MYBBP1A: variants seen among roughly 807,000 people sequenced by gnomAD.
The protein encoded by MYBBP1A is myb-binding protein 1A.
A neutral mutation model predicts 136.3 loss-of-function variants in MYBBP1A; 147 were observed. That is an observed-to-expected ratio of 1.08 (90% CI 0.94 to 1.24). The LOEUF is 1.24. MYBBP1A is among the 50% of genes most tolerant of loss of function. The probability of loss-of-function intolerance (pLI) is 0.00; values close to 1 mark genes in which losing one functional copy is unlikely to be tolerated. For synonymous variants in MYBBP1A, 947 were observed against 735.8 expected, an observed-to-expected ratio of 1.29 and a Z score of -4.65; for missense variants, 2,060 against 1,727.4, an observed-to-expected ratio of 1.19 and a Z score of -3.41.
intron 17 of MYBBP1A, 32 bp downstream of exon 17, chr17:4,544,994 C>A (rs776946361): frequency 2.8e-6 from 4 of 1,425,538 alleles, no homozygotes; most frequent in Admixed American, 2.5e-5. Context: ...GAGCCCTCCC[C>A]GGCCGCCCCC....
Position 4,548,158 on chromosome 17 carries a change from C to T in MYBBP1A, c.1709G>A (p.Arg570His), listed in dbSNP as rs56716962. The T allele has an allele frequency of 0.022, 34,745 of 1,604,928 alleles. 3,061 individuals are homozygous for T. In the East Asian group the frequency reaches 0.34, roughly 16 times the overall value. The change falls in exon 12 of 26, where the codon CGC (arginine) becomes CAC (histidine). Residue 570 changes from arginine to histidine, a missense_variant. Arg to His is a conservative substitution (Grantham distance 29). Coordinates refer to ENST00000254718, the MANE Select transcript of MYBBP1A (RefSeq NM_014520.4). This position sits in a 1 kb window ranked among gnomAD's most constrained non-coding sequence, Gnocchi z 4.2. Reference protein sequence around the residue: ...TTVTPFTAQQRQAWDRMLQTL... With the variant: ...TTVTPFTAQQHQAWDRMLQTL... ...ACGTGCTCACCGGTCCCAGGCCTGG[C>T]GCTGCTGCGCAGTGAAGGGTGTCAC...
At chr17:4,540,051 T>A in intron 25 of MYBBP1A, 84 bp from the exon 26 acceptor site, 1 of 1,472,384 alleles carries the variant, frequency 6.8e-7, no homozygotes, top group Non-Finnish European at 9.2e-7. Flanking sequence ...ACCTGGATTC[T>A]GAGGGTCCTC....
intron 9 of MYBBP1A, 81 bp downstream of exon 9, chr17:4,549,977 A>G: frequency 6.9e-7 from 1 of 1,455,614 alleles, no homozygotes; most frequent in East Asian, 2.3e-5. Context: ...GACGCTGTGG[A>G]GGGCGGGCTT....
At chr17:4,549,507 T>G (rs1597386711) in intron 9 of MYBBP1A, 65 bp from the exon 10 acceptor site, 1 of 1,431,346 alleles carries the variant, frequency 7.0e-7, no homozygotes, top group Non-Finnish European at 9.6e-7. Flanking sequence ...CTGGGCCCAG[T>G]GGCTCACACC....
chr17:4,544,957 G>C, intron 17 of MYBBP1A, 36 bp from the exon 18 acceptor site: 2 of 1,572,450 alleles, frequency 1.3e-6, no homozygotes, highest in Non-Finnish European at 1.7e-6. Context: ...GCCAGGCCTC[G>C]GGCAGGCACA....
chr17:4,539,740 G>C lies in MYBBP1A; in HGVS notation c.3662C>G (p.Pro1221Arg). ...GGTTGGCGTCCCGTTTGCCTGGGCT[G>C]GGACCTTAGCCTTTGTCCTGTTCCT... is the stretch of plus-strand genomic sequence containing the variant. ...KKRNRTKAKVPAQANGTPTTK... is the reference protein window; with the variant it reads ...KKRNRTKAKVRAQANGTPTTK... Residue 1221 changes from proline to arginine, a missense_variant, in exon 26 of 26, where the codon CCA becomes CGA. Coordinates refer to ENST00000254718, the MANE Select transcript of MYBBP1A (RefSeq NM_014520.4). The C allele has an allele frequency of 6.2e-7, 1 of 1,612,854 alleles. No individual in the cohort carries two copies. Among genetic ancestry groups the C allele is most frequent in the Non-Finnish European group, 8.5e-7 (1 of 1,179,462 alleles).
At position 4,554,244 on chromosome 17, in the gene MYBBP1A, C is replaced by G. The variant is rs746416607; in HGVS notation, c.329G>C (p.Ser110Thr). The change falls in exon 3 of 26, where the codon AGC becomes ACC. Residue 110 changes from serine to threonine, a missense_variant. By Grantham distance (58) the Ser-to-Thr change is moderately conservative. Transcript: ENST00000254718. ...LQSFEDLPLCSILQQIQEKYD... is the reference protein window; with the variant it reads ...LQSFEDLPLCTILQQIQEKYD... ...TTTTTCTTGTATCTGCTGCAGGATGCTGCACAAGGGGAGGTCTTCAAAAGA... is the reference window on the plus strand; with the variant it reads ...TTTTTCTTGTATCTGCTGCAGGATGGTGCACAAGGGGAGGTCTTCAAAAGA... 1.9e-6 allele frequency: 3 copies of G among 1,614,090 alleles called. No homozygotes were observed. The South Asian group carries it at 3.3e-5, about 18-fold the overall frequency.
At chr17:4,545,408 C>A in intron 15 of MYBBP1A, 63 bp from the exon 16 acceptor site, 1 of 1,591,904 alleles carries the variant, frequency 6.3e-7, no homozygotes. Context: ...AGGCCCCACT[C>A]AGCCTTGACC....
intron 9 of MYBBP1A, 47 bp downstream of exon 9, chr17:4,550,011 A>G: frequency 6.4e-7 from 1 of 1,563,398 alleles, no homozygotes; most frequent in South Asian, 1.2e-5. Flanking sequence ...CTGCAGGCCT[A>G]GGAAGTTAAC....
chr17:4,550,817 C>T (rs1907444102), intron 8 of MYBBP1A, among the ~76,000 whole-genome samples: 1 of 152,282 alleles, frequency 6.6e-6, no homozygotes, highest in Non-Finnish European at 1.5e-5. Flanking sequence ...CGCGCTTACT[C>T]AGTGCCAGCA....
Position 4,553,923 on chromosome 17 carries a change from C to A in MYBBP1A, c.454-6G>T. On this transcript the variant is annotated splice_region_variant and splice_polypyrimidine_tract_variant and intron_variant, in intron 4 of 25. Transcript: ENST00000254718. Reference sequence around the variant, plus strand: ...TTCATCAGTGCCTCCTGGTCCTGGTCCCCACAGAGGGACAGAGGGTATGAG... The same window carrying A: ...TTCATCAGTGCCTCCTGGTCCTGGTACCCACAGAGGGACAGAGGGTATGAG... 2 of 1,614,024 alleles carry A rather than the reference C, an allele frequency of 1.2e-6. No homozygotes were observed. Among genetic ancestry groups the A allele is most frequent in the South Asian group, 2.2e-5 (2 of 91,064 alleles).
Position 4,554,210 on chromosome 17 carries a change from C to T in MYBBP1A, c.363G>A (p.Leu121=). The T allele has an allele frequency of 6.2e-7, 1 of 1,614,026 alleles. No individual in the cohort carries two copies. Among genetic ancestry groups the T allele is most frequent in the Non-Finnish European group, 8.5e-7 (1 of 1,179,992 alleles). Residue 121 remains leucine, a synonymous_variant, in exon 3 of 26, where the codon CTG becomes CTA. Coordinates refer to ENST00000254718, the MANE Select transcript of MYBBP1A (RefSeq NM_014520.4). The stretch of plus-strand genomic sequence containing the variant: ...CCACTCTCACCTTCTTCACCTGATG[C>T]AGGTCATATTTTTCTTGTATCTGCT... The part of the protein sequence containing the change: ...ILQQIQEKYD[L]HQVKKAMLRP...
Position 4,555,265 on chromosome 17 carries a change from G to A in MYBBP1A, c.60C>T (p.Ala20=), listed in dbSNP as rs143645924. ...ATAGGCCATAGCGGTCGGCAGGCCG[G>A]GCGCCACTCTGCGTCGCTTCTCCAG... The part of the protein sequence containing the change: ...MSPGEATQSG[A]RPADRYGLLK... The change falls in exon 1 of 26, where the codon GCC becomes GCT. Residue 20 remains alanine (A), a synonymous_variant. Coordinates refer to ENST00000254718, the MANE Select transcript of MYBBP1A (RefSeq NM_014520.4). 1 of 1,611,564 alleles carries A rather than the reference G, an allele frequency of 6.2e-7. No homozygotes were observed. Among genetic ancestry groups the A allele is most frequent in the South Asian group, 1.1e-5 (1 of 90,802 alleles).
rs191415226 is a variant in MYBBP1A, at chr17:4,548,508, G to A, written c.1556+16C>T. 10 of 1,613,762 alleles carry A rather than the reference G, an allele frequency of 6.2e-6. No individual in the cohort carries two copies. In the East Asian group the frequency reaches 2.2e-4, roughly 36 times the overall value. Reference sequence around the variant, plus strand: ...CTTCCCACCTTCGGACCTCTCCTGGGCTGCCCAAGACTCACCTGAAGAAGG... The same window carrying A: ...CTTCCCACCTTCGGACCTCTCCTGGACTGCCCAAGACTCACCTGAAGAAGG... On this transcript the variant is annotated intron_variant, in intron 11 of 25. Coordinates refer to ENST00000254718, the MANE Select transcript of MYBBP1A (RefSeq NM_014520.4). This position sits in a 1 kb window ranked among gnomAD's most constrained non-coding sequence, Gnocchi z 4.2.
chr17:4,543,630 C>T (rs549500884), intron 19 of MYBBP1A, among the ~76,000 whole-genome samples: 24 of 152,252 alleles, frequency 1.6e-4, no homozygotes, highest in Non-Finnish European at 2.5e-4. Context: ...AGGCGTGGCC[C>T]GGGCGGGCCT....
rs1333717066 is a variant in MYBBP1A, at chr17:4,539,710, T to C, written c.3692A>G (p.Lys1231Arg). 9 of 1,609,586 alleles carry C rather than the reference T, an allele frequency of 5.6e-6. No homozygotes were observed. The highest frequency in any genetic ancestry group is 7.6e-6 in the Non-Finnish European group (9 of 1,177,116). Residue 1231 changes from lysine (K) to arginine (R), a missense_variant, in exon 26 of 26, where the codon AAG (lysine) becomes AGG (arginine). Transcript: ENST00000254718. ...GGTGGGGGCGCCAGGGGCTGGACTC[T>C]TGGTGGTTGGCGTCCCGTTTGCCTG... ...PAQANGTPTT[K>R]SPAPGAPTRS... is the part of the protein sequence containing the mutation.
chr17:4,553,203 G>C (rs1413086701), intron 5 of MYBBP1A, among the ~76,000 whole-genome samples: 2 of 152,194 alleles, frequency 1.3e-5, no homozygotes, highest in African/African-American at 2.4e-5. Context: ...TAGGTGGAGA[G>C]CTGGGATTCG....
intron 5 of MYBBP1A, among the ~76,000 whole-genome samples, chr17:4,553,463 G>GT (rs1907712808): frequency 6.6e-6 from 1 of 152,238 alleles, no homozygotes; most frequent in African/African-American, 2.4e-5. Flanking sequence ...ACACAGGGCT[G>GT]CTGAGCGCCT....
rs1264296842 is a variant in MYBBP1A at position 4,543,887 on chromosome 17, T to TCCC, written c.2639+601_2639+602insGGG. Among the ~76,000 whole-genome samples the TCCC allele has an allele frequency of 3.8e-4, 48 of 127,210 alleles. 2 individuals are homozygous for TCCC. Among genetic ancestry groups the TCCC allele is most frequent in the African/African-American group, 1.4e-3 (43 of 30,718 alleles). 83.5% of individuals were successfully genotyped at this position (127,210 alleles called of 152,430 possible). ...GAAAAGGCAAACCAGACTCAGACCC[T>TCCC]TCCCCACGCCACTGCTCTTGCTGAT... is the stretch of plus-strand genomic sequence containing the variant. On this transcript the variant is annotated intron_variant, in intron 19 of 25. Transcript: ENST00000254718.
Sources: allele counts gnomAD v4.1 joint callset (sites outside exome capture counted in the v4.1 genomes callset), GRCh38; gene constraint gnomAD v4.1.1; non-coding constraint Gnocchi (gnomAD v3.1); transcripts MANE v1.5; gene names NCBI Gene and HGNC (gene_info 2026-07-23, HGNC 2026-07-21).